The following NHLH2 variants were observed in gnomAD, a reference collection of about 807,000 sequenced individuals.
NHLH2 encodes nescient helix-loop-helix 2.
In NHLH2, 7 loss-of-function variants were observed where a neutral mutation model predicts 7.3. That is an observed-to-expected ratio of 0.96 (90% CI 0.55 to 1.81). NHLH2 has a LOEUF of 1.81. Among genes scored for constraint, NHLH2 ranks in the 40% most tolerant of loss-of-function variants. NHLH2 has a pLI of 0.00. For missense variants in NHLH2, 155 were observed against 194.0 expected (o/e 0.80, Z 1.19); for synonymous variants, 93 against 91.6 (o/e 1.01, Z -0.09).
intron 2 of NHLH2, chr1:115,838,681 A>C (rs1650960785): frequency 8.6e-6 from 3 of 349,118 alleles, no homozygotes; most frequent in African/African-American, 4.4e-5. Context: ...CTGGGGAACA[A>C]CCGCAGGCCT....
downstream of NHLH2, among the ~76,000 whole-genome samples, chr1:115,835,560 CTG>C (rs1017350707): frequency 6.6e-6 from 1 of 152,192 alleles, no homozygotes; most frequent in African/African-American, 2.4e-5. Context: ...TAGTAGGTAT[CTG>C]TGAAGCTGAC....
chr1:115,840,794 T>A (rs1350464407), intron 1 of NHLH2, 154 bp downstream of exon 1: 2 of 161,646 alleles, frequency 1.2e-5, no homozygotes. Flanking sequence ...ATCTCCCCAG[T>A]TCCCAGGAAC....
chr1:115,835,084 A>G (rs963806985), downstream of NHLH2, among the ~76,000 whole-genome samples: 9 of 152,194 alleles, frequency 5.9e-5, no homozygotes, highest in Non-Finnish European at 1.2e-4. Flanking sequence ...TTGCATAGCT[A>G]GGAAGGGATG....
downstream of NHLH2, among the ~76,000 whole-genome samples, chr1:115,831,417 C>T (rs1032408746): frequency 6.6e-6 from 1 of 152,210 alleles, no homozygotes; most frequent in African/African-American, 2.4e-5. Flanking sequence ...AAATCCCAAA[C>T]ATCACATCAT....
downstream of NHLH2, among the ~76,000 whole-genome samples, chr1:115,836,181 A>C (rs920953361): frequency 2.0e-5 from 3 of 152,206 alleles, no homozygotes; most frequent in African/African-American, 7.2e-5. Context: ...TCACCATCAT[A>C]TGTAGGGCAT....
At chr1:115,839,225 G>C (rs947105354) in intron 2 of NHLH2, 7 of 167,500 alleles carry the variant, frequency 4.2e-5, no homozygotes, top group African/African-American at 1.4e-4. Context: ...GGAAAATGCC[G>C]GCAGCCGGGC....
downstream of NHLH2, among the ~76,000 whole-genome samples, chr1:115,834,310 T>C (rs905349024): frequency 2.0e-5 from 3 of 152,148 alleles, no homozygotes; most frequent in African/African-American, 2.4e-5. Flanking sequence ...GGGGCTAGGC[T>C]TTCTGGGGAG....
At chr1:115,832,775 G>T (rs1650782200), downstream of NHLH2, among the ~76,000 whole-genome samples, 1 of 152,224 alleles carries the variant, frequency 6.6e-6, no homozygotes, top group African/African-American at 2.4e-5. Flanking sequence ...GCTTCTGAAA[G>T]AAACGGAAAG....
chr1:115,839,336 G>C (rs2101202754), intron 2 of NHLH2: 1 of 166,468 alleles, frequency 6.0e-6, no homozygotes, highest in East Asian at 1.9e-4. Flanking sequence ...GTCCCGGCGG[G>C]AGCTGCATCT....
downstream of NHLH2, among the ~76,000 whole-genome samples, chr1:115,831,378 T>C (rs1323411463): frequency 1.3e-5 from 2 of 152,216 alleles, no homozygotes; most frequent in Admixed American, 6.5e-5. Context: ...ATCCTGTCTT[T>C]CTCACTACCC....
rs1484589394 is a variant in NHLH2 at position 115,838,270 on chromosome 1, C to G, written c.103G>C (p.Val35Leu). The G allele has an allele frequency of 1.9e-6, 3 of 1,599,948 alleles. No homozygotes were observed. The highest frequency in any genetic ancestry group is 2.3e-5 in the East Asian group (1 of 44,176). ...GGTDTKVLGS[V>L]SDLEPVEEAE... ...TCCTCCACCGGCTCCAGGTCCGACA[C>G]GCTGCCGAGCACCTTGGTGTCCGTG... Residue 35 changes from valine to leucine, a missense_variant, in exon 3 of 3, where the codon GTG (valine) becomes CTG (leucine). This residue lies in a region of NHLH2 where 91 missense variants were observed against 86.6 expected (regional missense o/e 1.05). Transcript: ENST00000320238.
chr1:115,837,777 G>A lies in NHLH2; in HGVS notation c.*188C>T, dbSNP rs921980334. ...TCGCCAGACAACCCCACCTGCCTGC[G>A]TCGGAAACCTTCCCTCGTCGCCCTG... On this transcript the variant is annotated 3_prime_UTR_variant, in exon 3 of 3. Transcript: ENST00000320238. 16 of 630,982 alleles carry A rather than the reference G, an allele frequency of 2.5e-5. No individual in the cohort carries two copies. The highest frequency in any genetic ancestry group is 4.1e-5 in the Non-Finnish European group (16 of 392,924). The allele number at this position is 630,982 out of a possible 1,614,324, so 39.1% of individuals were successfully genotyped here.
Position 115,838,400 on chromosome 1 carries a change from T to C in NHLH2, c.-8-20A>G. ...TGGAGGCTGAGGAGGGGTCGGAAAA[T>C]TAATCAGTAAAAGGAATCAGGGTAT... On this transcript the variant is annotated intron_variant, in intron 2 of 2. Transcript: ENST00000320238. 6.2e-7 allele frequency: 1 copy of C among 1,606,802 alleles called. No individual in the cohort carries two copies. The highest frequency in any genetic ancestry group is 8.5e-7 in the Non-Finnish European group (1 of 1,178,210).
At chr1:115,835,554 A>T (rs1043944551), downstream of NHLH2, among the ~76,000 whole-genome samples, 12 of 152,230 alleles carry the variant, frequency 7.9e-5, no homozygotes, top group East Asian at 2.3e-3. Context: ...CCTACCTAGT[A>T]GGTATCTGTG....
downstream of NHLH2, among the ~76,000 whole-genome samples, chr1:115,832,205 G>T (rs1268931753): frequency 6.6e-6 from 1 of 152,184 alleles, no homozygotes; most frequent in Non-Finnish European, 1.5e-5. Flanking sequence ...ATCATGAGTC[G>T]AGTGGGGCTT....
chr1:115,834,746 G>A (rs549064009), downstream of NHLH2, among the ~76,000 whole-genome samples: 5 of 152,156 alleles, frequency 3.3e-5, no homozygotes, highest in Admixed American at 6.5e-5. Flanking sequence ...AATATTGGGG[G>A]TTTTTTCGCT....
chr1:115,831,980 A>G (rs1650763916), downstream of NHLH2, among the ~76,000 whole-genome samples: 1 of 151,764 alleles, frequency 6.6e-6, no homozygotes, highest in African/African-American at 2.4e-5. Flanking sequence ...AATTGCTCGT[A>G]CACACACATT....
At chr1:115,833,699 A>T (rs889416535), downstream of NHLH2, among the ~76,000 whole-genome samples, 1 of 152,264 alleles carries the variant, frequency 6.6e-6, no homozygotes, top group African/African-American at 2.4e-5. Flanking sequence ...GAGATAATGC[A>T]TGCAAAGCAC....
chr1:115,832,192 T>C (rs995120651), downstream of NHLH2, among the ~76,000 whole-genome samples: 3 of 152,204 alleles, frequency 2.0e-5, no homozygotes. Context: ...AGACTGGGCC[T>C]TTATCATGAG....
Sources: allele counts gnomAD v4.1 joint callset (sites outside exome capture counted in the v4.1 genomes callset), GRCh38; gene constraint gnomAD v4.1.1; regional missense constraint gnomAD v4.1.1; transcripts MANE v1.5; gene names NCBI Gene and HGNC (gene_info 2026-07-23, HGNC 2026-07-21).